The following SSBP2 variants were observed in gnomAD, a reference collection of about 807,000 sequenced individuals.
SSBP2 encodes the protein single stranded DNA binding protein 2.
In SSBP2, 17 loss-of-function variants were observed where a neutral mutation model predicts 61.8. The observed-to-expected ratio is 0.28, with a 90% confidence interval of 0.19 to 0.41. SSBP2 has a LOEUF of 0.41. Ranked by LOEUF, SSBP2 falls within the 10% of genes least tolerant of loss-of-function variation. The pLI is 1.00. For synonymous variants in SSBP2, 139 were observed against 141.3 expected (o/e 0.98, Z 0.12); for missense variants, 310 against 458.7 (o/e 0.68, Z 2.96).
rs1750365071 is a variant in SSBP2 at position 81,657,956 on chromosome 5, A to T, written c.63-7617T>A. Among the ~76,000 whole-genome samples the T allele has an allele frequency of 5.3e-5, 8 of 152,302 alleles. No homozygotes were observed. In the South Asian group the frequency reaches 1.7e-3, roughly 32 times the overall value. On this transcript the variant is annotated intron_variant, in intron 1 of 16. Transcript: ENST00000320672. ...ATTTTGTCATATAAATATTCATAAT[A>T]TACAACATGATGTCTTGATACATGT...
chr5:81,607,349 T>C (rs1216445012), intron 4 of SSBP2, among the ~76,000 whole-genome samples: 1 of 152,174 alleles, frequency 6.6e-6, no homozygotes, highest in South Asian at 2.1e-4. Flanking sequence ...CATTCAGAAA[T>C]AGTATGCCTG....
intron 1 of SSBP2, among the ~76,000 whole-genome samples, chr5:81,699,600 C>A (rs1753823840): frequency 6.6e-6 from 1 of 152,190 alleles, no homozygotes; most frequent in African/African-American, 2.4e-5. Context: ...AATTCTGGTT[C>A]TCTTGCTATT....
At chr5:81,608,337 A>C (rs1581155917) in intron 4 of SSBP2, among the ~76,000 whole-genome samples, 2 of 152,052 alleles carry the variant, frequency 1.3e-5, no homozygotes, top group African/African-American at 4.8e-5. Flanking sequence ...CAGGGGCTGA[A>C]TTTTCAGCGT....
chr5:81,712,223 ATG>A (rs2153939070), intron 1 of SSBP2, among the ~76,000 whole-genome samples: 1 of 151,628 alleles, frequency 6.6e-6, no homozygotes, highest in South Asian at 2.1e-4. Context: ...AGAAAAGTTT[ATG>A]TGTTTCTGCT....
rs574344130 is a variant in SSBP2, at chr5:81,663,066, T to C, written c.63-12727A>G. Among the ~76,000 whole-genome samples the C allele has an allele frequency of 2.6e-4, 39 of 152,340 alleles. No homozygotes were observed. In the South Asian group the frequency reaches 8.1e-3, roughly 32 times the overall value. On this transcript the variant is annotated intron_variant, in intron 1 of 16. Transcript: ENST00000320672. ...TAAAGATCTTACTTTACTCAATTCT[T>C]TCTATGGTCTAGTTATCTAATTTGA...
At chr5:81,691,794 A>G (rs1416842715) in intron 1 of SSBP2, among the ~76,000 whole-genome samples, 1 of 152,228 alleles carries the variant, frequency 6.6e-6, no homozygotes, top group African/African-American at 2.4e-5. Context: ...CCTAATGAAC[A>G]CTGATGTAAA....
At chr5:81,737,732 G>A (rs1756718618) in intron 1 of SSBP2, among the ~76,000 whole-genome samples, 1 of 148,444 alleles carries the variant, frequency 6.7e-6, no homozygotes, top group Admixed American at 6.9e-5. Context: ...ACCTTGCAGT[G>A]AGCCGAGATT....
At chr5:81,645,490 A>C (rs1300669191) in intron 2 of SSBP2, among the ~76,000 whole-genome samples, 1 of 152,214 alleles carries the variant, frequency 6.6e-6, no homozygotes, top group Non-Finnish European at 1.5e-5. Flanking sequence ...AAAAATCTAG[A>C]ATCTTTATAA....
chr5:81,532,219 G>A (rs1770470790), intron 4 of SSBP2, among the ~76,000 whole-genome samples: 1 of 151,978 alleles, frequency 6.6e-6, no homozygotes, highest in African/African-American at 2.4e-5. Context: ...AGATAAAAAG[G>A]CCAGATGTGA....
chr5:81,630,242 A>T (rs969948340), intron 3 of SSBP2, among the ~76,000 whole-genome samples: 5 of 152,224 alleles, frequency 3.3e-5, no homozygotes, highest in Admixed American at 6.5e-5. Context: ...CAATTATTAG[A>T]GTCCTGAATC....
chr5:81,504,736 G>A (rs1304148563), intron 5 of SSBP2, among the ~76,000 whole-genome samples: 1 of 151,988 alleles, frequency 6.6e-6, no homozygotes, highest in Non-Finnish European at 1.5e-5. Flanking sequence ...ATTTTGCTCA[G>A]TTTCCCTTAG....
chr5:81,504,124 T>C (rs1225337617), intron 5 of SSBP2, among the ~76,000 whole-genome samples: 1 of 152,152 alleles, frequency 6.6e-6, no homozygotes, highest in African/African-American at 2.4e-5. Flanking sequence ...CATGTACCCC[T>C]GAATCTAAAA....
intron 4 of SSBP2, among the ~76,000 whole-genome samples, chr5:81,602,359 A>C (rs1405857848): frequency 6.6e-6 from 1 of 152,152 alleles, no homozygotes; most frequent in African/African-American, 2.4e-5. Context: ...TCAATTTATA[A>C]ATCCACTCAC....
At chr5:81,451,135 T>C (rs1052030654) in intron 10 of SSBP2, among the ~76,000 whole-genome samples, 3 of 152,204 alleles carry the variant, frequency 2.0e-5, no homozygotes, top group African/African-American at 7.2e-5. Flanking sequence ...AACAGTGGTT[T>C]AACAAACAGC....
chr5:81,532,981 A>G (rs1423066109), intron 4 of SSBP2, among the ~76,000 whole-genome samples: 1 of 151,966 alleles, frequency 6.6e-6, no homozygotes, highest in Non-Finnish European at 1.5e-5. Flanking sequence ...CCGATAGTAG[A>G]CAGAAAATTA....
chr5:81,686,854 C>CAAAAAAA (rs57665340), intron 1 of SSBP2, among the ~76,000 whole-genome samples: 1 of 91,050 alleles, frequency 1.1e-5, no homozygotes, highest in Non-Finnish European at 2.0e-5. Context: ...GACTTCATCT[C>CAAAAAAA]AAAAAAAAAA....
intron 1 of SSBP2, among the ~76,000 whole-genome samples, chr5:81,723,282 A>G (rs768221199): frequency 2.6e-5 from 4 of 152,118 alleles, no homozygotes; most frequent in Non-Finnish European, 5.9e-5. Context: ...GTCCCTTGAG[A>G]AGGTTCTTGG....
At chr5:81,650,971 G>A (rs896118799) in intron 1 of SSBP2, among the ~76,000 whole-genome samples, 1 of 151,994 alleles carries the variant, frequency 6.6e-6, no homozygotes, top group African/African-American at 2.4e-5. Flanking sequence ...CAGTTTAAAG[G>A]TTAACAAAAT....
chr5:81,425,838 T>C (rs1761917014), intron 16 of SSBP2, among the ~76,000 whole-genome samples: 1 of 152,184 alleles, frequency 6.6e-6, no homozygotes, highest in African/African-American at 2.4e-5. Flanking sequence ...TCTATATTAA[T>C]TGAATGAAGC....
Sources: gnomAD v4.1 joint callset for allele counts (sites outside exome capture counted in the v4.1 genomes callset) on GRCh38, gnomAD v4.1.1 for gene constraint, MANE v1.5 for transcripts, NCBI Gene and HGNC (gene_info 2026-07-23, HGNC 2026-07-21) for gene names.